OPCML: variants seen among roughly 807,000 people sequenced by gnomAD.
The protein encoded by OPCML is opioid-binding protein/cell adhesion molecule.
In OPCML, 13 loss-of-function variants were observed where a neutral mutation model predicts 37.8. That is an observed-to-expected ratio of 0.34 (90% CI 0.22 to 0.55). The LOEUF is 0.55. OPCML is among the 20% of genes least tolerant of loss of function. The probability of loss-of-function intolerance (pLI) is 0.91; values close to 1 mark genes in which losing one functional copy is unlikely to be tolerated. For missense variants in OPCML, 341 were observed against 435.6 expected, an observed-to-expected ratio of 0.78 and a Z score of 1.93; for synonymous variants, 176 against 168.8, an observed-to-expected ratio of 1.04 and a Z score of -0.33.
intron 3 of OPCML, among the ~76,000 whole-genome samples, chr11:132,560,800 A>T (rs2096408931): frequency 6.6e-6 from 1 of 151,926 alleles, no homozygotes. Flanking sequence ...AGTTCTTTGT[A>T]CATTCTGGTT....
intron 1 of OPCML, among the ~76,000 whole-genome samples, chr11:133,359,228 A>G (rs1592231341): frequency 6.6e-6 from 1 of 151,828 alleles, no homozygotes; most frequent in African/African-American, 2.4e-5. Context: ...TGGGTTTCTC[A>G]CCCCCACTTC....
chr11:133,110,863 CAG>C (rs905369690), intron 1 of OPCML, among the ~76,000 whole-genome samples: 2 of 152,130 alleles, frequency 1.3e-5, no homozygotes, highest in Non-Finnish European at 2.9e-5. Context: ...GTGTGTGGAA[CAG>C]GGAGGCATTT....
At chr11:132,678,443 C>T (rs1305168962) in intron 2 of OPCML, among the ~76,000 whole-genome samples, 1 of 152,190 alleles carries the variant, frequency 6.6e-6, no homozygotes, top group African/African-American at 2.4e-5. Flanking sequence ...GACCTGCACA[C>T]AGATGTTTAC....
At chr11:132,540,303 C>G (rs547598873) in intron 3 of OPCML, among the ~76,000 whole-genome samples, 1 of 152,158 alleles carries the variant, frequency 6.6e-6, no homozygotes, top group African/African-American at 2.4e-5. Flanking sequence ...TAATTAAGGA[C>G]TGTCATTTGT....
intron 1 of OPCML, chr11:133,007,673 C>A (rs1252474397): frequency 2.2e-5 from 22 of 985,366 alleles, no homozygotes; most frequent in Non-Finnish European, 2.4e-5. Context: ...AAATAATAGG[C>A]ACACAGAGAG....
intron 1 of OPCML, among the ~76,000 whole-genome samples, chr11:133,129,098 C>A (rs944333072): frequency 6.6e-6 from 1 of 152,142 alleles, no homozygotes; most frequent in Non-Finnish European, 1.5e-5. Context: ...CAGGTGGGAA[C>A]TGAAAGACTC....
chr11:133,276,460 C>T (rs1388204415), intron 1 of OPCML, among the ~76,000 whole-genome samples: 2 of 152,118 alleles, frequency 1.3e-5, no homozygotes, highest in Non-Finnish European at 2.9e-5. Flanking sequence ...CAGCCATGCA[C>T]ACAATGCAGG....
At chr11:133,069,674 G>A (rs1447744606) in intron 1 of OPCML, among the ~76,000 whole-genome samples, 2 of 152,178 alleles carry the variant, frequency 1.3e-5, no homozygotes, top group Non-Finnish European at 2.9e-5. Flanking sequence ...TTTCCAAAGT[G>A]GACAAATGGC....
At chr11:132,790,443 T>C (rs1301302090) in intron 2 of OPCML, among the ~76,000 whole-genome samples, 1 of 152,246 alleles carries the variant, frequency 6.6e-6, no homozygotes, top group African/African-American at 2.4e-5. Flanking sequence ...AGGTATTATA[T>C]GCATGTATCA....
At chr11:132,924,906 C>T (rs77494074) in intron 2 of OPCML, among the ~76,000 whole-genome samples, 8,494 of 152,194 alleles carry the variant, frequency 0.056, 333 homozygotes, top group Middle Eastern at 0.12. Context: ...ATTACACATA[C>T]GTTGCATCTT....
intron 1 of OPCML, among the ~76,000 whole-genome samples, chr11:133,498,123 C>T (rs952553291): frequency 1.3e-5 from 2 of 152,162 alleles, no homozygotes; most frequent in South Asian, 2.1e-4. Context: ...GCCGGGCAAG[C>T]GGCGGTTGCT....
intron 1 of OPCML, among the ~76,000 whole-genome samples, chr11:133,326,328 G>T (rs1207941549): frequency 9.2e-6 from 1 of 108,524 alleles, no homozygotes; most frequent in Admixed American, 9.4e-5. Context: ...TGTGTGGGGG[G>T]AGTGGGTGTG....
At chr11:132,829,842 G>A (rs1940583171) in intron 2 of OPCML, among the ~76,000 whole-genome samples, 1 of 151,984 alleles carries the variant, frequency 6.6e-6, no homozygotes, top group Non-Finnish European at 1.5e-5. Context: ...CTCATAAATG[G>A]TTTGGATCCT....
At chr11:133,509,357 A>G (rs1450879705) in intron 1 of OPCML, among the ~76,000 whole-genome samples, 1 of 152,182 alleles carries the variant, frequency 6.6e-6, no homozygotes, top group Non-Finnish European at 1.5e-5. Flanking sequence ...TGCTGAGGAT[A>G]ATGGCTTCCA....
intron 1 of OPCML, among the ~76,000 whole-genome samples, chr11:133,387,952 G>C (rs1778240220): frequency 6.6e-6 from 1 of 152,130 alleles, no homozygotes; most frequent in South Asian, 2.1e-4. Context: ...GATACCAAGT[G>C]CAAAGACACT....
intron 1 of OPCML, among the ~76,000 whole-genome samples, chr11:133,471,337 A>C (rs1947109469): frequency 6.6e-6 from 1 of 152,250 alleles, no homozygotes; most frequent in Admixed American, 6.5e-5. Context: ...GCCTTTATAT[A>C]CTGATATGGA....
chr11:133,376,920 T>C (rs1177548982), intron 1 of OPCML, among the ~76,000 whole-genome samples: 1 of 152,116 alleles, frequency 6.6e-6, no homozygotes, highest in African/African-American at 2.4e-5. Flanking sequence ...ACCATCTTCA[T>C]GCATGTTTTG....
intron 2 of OPCML, among the ~76,000 whole-genome samples, chr11:132,770,830 G>T (rs1946611892): frequency 1.3e-5 from 2 of 152,130 alleles, no homozygotes; most frequent in Admixed American, 1.3e-4. Context: ...GGACTCAGGG[G>T]GCCCAGTGAC....
chr11:133,125,810 T>G (rs59340409), intron 1 of OPCML, among the ~76,000 whole-genome samples: 1 of 145,920 alleles, frequency 6.9e-6, no homozygotes, highest in African/African-American at 2.5e-5. Context: ...TATAGACACA[T>G]GTATATAGTA....
Sources: gnomAD v4.1 joint callset for allele counts (sites outside exome capture counted in the v4.1 genomes callset) on GRCh38, gnomAD v4.1.1 for gene constraint, MANE v1.5 for transcripts, NCBI Gene and HGNC (gene_info 2026-07-23, HGNC 2026-07-21) for gene names.